Variants in GNB1L observed in about 807,000 individuals in gnomAD.
GNB1L encodes guanine nucleotide-binding protein subunit beta-like protein 1.
Under a neutral mutation model 29.1 loss-of-function variants are expected in GNB1L, and 20 were observed. The ratio of observed to expected loss-of-function variants is 0.69; its 90% CI spans 0.48 to 1.00. The LOEUF (loss-of-function observed/expected upper bound fraction) is 1.00, where lower values mean the gene tolerates loss of function less well. Ranked by LOEUF, GNB1L falls within the 50% of genes least tolerant of loss-of-function variation. GNB1L has a pLI of 0.00. For missense variants in GNB1L, 421 were observed against 464.9 expected (o/e 0.91, Z 0.87); for synonymous variants, 193 against 206.5 (o/e 0.93, Z 0.56).
intron 5 of GNB1L, among the ~76,000 whole-genome samples, chr22:19,811,524 T>C (rs571961633): frequency 6.6e-6 from 1 of 152,118 alleles, no homozygotes; most frequent in Non-Finnish European, 1.5e-5. Flanking sequence ...TCCTCCACTA[T>C]GACACCCTCC....
At chr22:19,846,642 G>C (rs1477683842) in intron 2 of GNB1L, 1 of 827,610 alleles carries the variant, frequency 1.2e-6, no homozygotes, top group East Asian at 1.2e-4. Context: ...TACATTTGAA[G>C]ACAGGGTCTT....
At chr22:19,808,403 T>C (rs1937461193) in intron 5 of GNB1L, among the ~76,000 whole-genome samples, 1 of 152,072 alleles carries the variant, frequency 6.6e-6, no homozygotes, top group Admixed American at 6.6e-5. Context: ...GGAGAGGTGA[T>C]TACAGTCAGG....
chr22:19,835,241 A>G (rs752526784), intron 2 of GNB1L, among the ~76,000 whole-genome samples: 9 of 152,176 alleles, frequency 5.9e-5, no homozygotes, highest in African/African-American at 1.2e-4. Flanking sequence ...GACTAATACT[A>G]TCTACCTACT....
chr22:19,825,544 C>G (rs778223296), intron 2 of GNB1L, among the ~76,000 whole-genome samples: 94 of 152,114 alleles, frequency 6.2e-4, no homozygotes, highest in Non-Finnish European at 1.1e-3. Context: ...ATAGCTTGAG[C>G]CCAGGAGGTC....
chr22:19,824,063 A>G (rs978559267), intron 2 of GNB1L, among the ~76,000 whole-genome samples: 1 of 152,212 alleles, frequency 6.6e-6, no homozygotes, highest in African/African-American at 2.4e-5. Flanking sequence ...GTTCTCCTCT[A>G]TTGTTTCCCC....
At chr22:19,846,581 AGAAC>A (rs1341382810) in intron 2 of GNB1L, 6 of 984,260 alleles carry the variant, frequency 6.1e-6, no homozygotes, top group Non-Finnish European at 7.2e-6. Flanking sequence ...CGCTGTGGGC[AGAAC>A]TATGTCCCTT....
chr22:19,835,543 G>A (rs537694054), intron 2 of GNB1L, among the ~76,000 whole-genome samples: 1 of 152,078 alleles, frequency 6.6e-6, no homozygotes, highest in Admixed American at 6.5e-5. Context: ...GCATAGTAGC[G>A]CACGCCTGTA....
intron 2 of GNB1L, among the ~76,000 whole-genome samples, chr22:19,843,641 A>G (rs1025278804): frequency 3.9e-5 from 6 of 152,140 alleles, no homozygotes; most frequent in African/African-American, 1.2e-4. Context: ...CTGACTGACA[A>G]CTTGGCCTGA....
intron 2 of GNB1L, among the ~76,000 whole-genome samples, chr22:19,824,933 C>T (rs1393625160): frequency 3.3e-5 from 5 of 152,206 alleles, no homozygotes; most frequent in Middle Eastern, 3.2e-3. Context: ...CCTGGGCCCC[C>T]GCCCTGCCCT....
intron 7 of GNB1L, among the ~76,000 whole-genome samples, chr22:19,793,328 A>G (rs1937272304): frequency 6.6e-6 from 1 of 152,134 alleles, no homozygotes; most frequent in South Asian, 2.1e-4. Context: ...GCTTAACAGT[A>G]GATTGGAAAT....
At chr22:19,804,885 C>T (rs1346372898) in intron 6 of GNB1L, among the ~76,000 whole-genome samples, 4 of 152,226 alleles carry the variant, frequency 2.6e-5, no homozygotes, top group African/African-American at 9.6e-5. Context: ...CCACGTTTCC[C>T]AAGGGGTGGA....
chr22:19,846,090 T>C (rs1297565077), intron 2 of GNB1L: 1 of 152,212 alleles, frequency 6.6e-6, no homozygotes, highest in Non-Finnish European at 1.5e-5. Flanking sequence ...GGATCCCCTG[T>C]TGGTCAGGAC....
chr22:19,853,719 G>A (rs897325210), intron 2 of GNB1L, among the ~76,000 whole-genome samples: 4 of 133,504 alleles, frequency 3.0e-5, no homozygotes, highest in South Asian at 2.3e-4. Flanking sequence ...ACCCCCCTCT[G>A]GGGGGGGGGT....
intron 2 of GNB1L, among the ~76,000 whole-genome samples, chr22:19,831,394 G>C (rs1228066719): frequency 6.6e-6 from 1 of 150,530 alleles, no homozygotes; most frequent in African/African-American, 2.4e-5. Flanking sequence ...AAATAAAATG[G>C]ATAATTCTGA....
rs1396866271 is a variant in GNB1L, at chr22:19,848,243, GGACT to G, written c.-21+6196_-21+6199del. ...TCTGGGTATTTCCAAGGGAAGTGAA[GGACT>G]GACACCATGATTAGAAAGCAGAGCC... On this transcript the variant is annotated intron_variant, in intron 2 of 7. Transcript: ENST00000329517. 6.1e-6 allele frequency: 6 copies of G among 985,416 alleles called. No homozygotes were observed. In the East Asian group the frequency reaches 5.7e-4, roughly 93 times the overall value. 61.0% of individuals were successfully genotyped at this position (985,416 alleles called of 1,614,324 possible).
At chr22:19,824,596 C>T (rs1442331274) in intron 2 of GNB1L, among the ~76,000 whole-genome samples, 1 of 152,236 alleles carries the variant, frequency 6.6e-6, no homozygotes, top group Non-Finnish European at 1.5e-5. Context: ...AACAAATGGA[C>T]GACAACAGCA....
intron 5 of GNB1L, among the ~76,000 whole-genome samples, chr22:19,810,292 A>G (rs1039757277): frequency 2.0e-5 from 3 of 152,148 alleles, no homozygotes; most frequent in South Asian, 4.1e-4. Context: ...GCCTGTCTCA[A>G]TTTGGGCTCC....
Position 19,821,338 on chromosome 22 carries a change from CGGGCAGGGGGCCGTCATGCT to C in GNB1L, c.-3_17del. On this transcript the variant is annotated start_lost and 5_prime_UTR_variant, in exon 3 of 8. Transcript: ENST00000329517. ...CAAACTGGGGGTCTGGAGGTGGCGGCGGGCAGGGGGCCGTCATGCTGGGCAGGATGCAGTTACCTGGGCAC... is the reference window on the plus strand; with the variant it reads ...CAAACTGGGGGTCTGGAGGTGGCGGCGGGCAGGATGCAGTTACCTGGGCAC... The C allele has an allele frequency of 6.2e-7, 1 of 1,612,546 alleles. No homozygotes were observed. Among genetic ancestry groups the C allele is most frequent in the South Asian group, 1.1e-5 (1 of 91,076 alleles).
intron 4 of GNB1L, 75 bp downstream of exon 4, chr22:19,820,523 G>A: frequency 6.7e-7 from 1 of 1,490,328 alleles, no homozygotes; most frequent in Non-Finnish European, 9.2e-7. Context: ...CTCAGTGGGG[G>A]ACACCAGAGC....
Sources: allele counts gnomAD v4.1 joint callset (sites outside exome capture counted in the v4.1 genomes callset), GRCh38; gene constraint gnomAD v4.1.1; transcripts MANE v1.5; gene names NCBI Gene and HGNC (gene_info 2026-07-23, HGNC 2026-07-21).